Variants in KCNC2 observed in about 807,000 individuals in gnomAD.
KCNC2 encodes the protein voltage-gated potassium channel KCNC2.
In KCNC2, 21 loss-of-function variants were observed where a neutral mutation model predicts 44.5. The ratio of observed to expected loss-of-function variants is 0.47; its 90% CI spans 0.33 to 0.68. The LOEUF (loss-of-function observed/expected upper bound fraction) is 0.68, where lower values mean the gene tolerates loss of function less well. Ranked by LOEUF, KCNC2 falls within the 30% of genes least tolerant of loss-of-function variation. KCNC2 has a pLI of 0.01. For synonymous variants in KCNC2, 391 were observed against 339.1 expected, an observed-to-expected ratio of 1.15 and a Z score of -1.68; for missense variants, 589 against 826.2, an observed-to-expected ratio of 0.71 and a Z score of 3.52.
chr12:75,156,193 A>T, intron 2 of KCNC2, among the ~76,000 whole-genome samples: 1 of 151,818 alleles, frequency 6.6e-6, no homozygotes, highest in African/African-American at 2.4e-5. Context: ...AACACATAGG[A>T]CATAGAGCAG....
intron 2 of KCNC2, among the ~76,000 whole-genome samples, chr12:75,111,224 G>A (rs1428081061): frequency 6.6e-6 from 1 of 152,120 alleles, no homozygotes; most frequent in African/African-American, 2.4e-5. Flanking sequence ...ATGTTAGAGT[G>A]CATGTATTCT....
Position 75,041,116 on chromosome 12 carries a change from A to G in KCNC2, c.*1989T>C, listed in dbSNP as rs201492860. 7.5e-6 allele frequency: 12 copies of G among 1,596,632 alleles called. No homozygotes were observed. Among genetic ancestry groups the G allele is most frequent in the African/African-American group, 1.3e-5 (1 of 74,924 alleles). On this transcript the variant is annotated 3_prime_UTR_variant, in exon 5 of 5. Coordinates refer to ENST00000549446, the MANE Select transcript of KCNC2 (RefSeq NM_139137.4). The stretch of plus-strand genomic sequence containing the variant: ...GTCACATCAGGGCACATTCAGCAGC[A>G]GAAGTCTGTTTCCAGTATAGTCCTT...
At chr12:75,099,631 A>T (rs1299593026) in intron 2 of KCNC2, among the ~76,000 whole-genome samples, 2 of 152,188 alleles carry the variant, frequency 1.3e-5, no homozygotes. Context: ...TTTATTACAT[A>T]GCTATTGAAT....
chr12:75,066,612 A>G (rs904399405), intron 2 of KCNC2, among the ~76,000 whole-genome samples: 1 of 152,188 alleles, frequency 6.6e-6, no homozygotes, highest in Non-Finnish European at 1.5e-5. Context: ...GTTTTCTTTC[A>G]TCTTAAGTAA....
At chr12:75,112,333 T>C (rs372024430) in intron 2 of KCNC2, among the ~76,000 whole-genome samples, 3 of 151,992 alleles carry the variant, frequency 2.0e-5, no homozygotes, top group Admixed American at 1.3e-4. Context: ...TCCTCCTTGA[T>C]AGCACCACTG....
chr12:75,046,845 C>A (rs1339377817), intron 4 of KCNC2, among the ~76,000 whole-genome samples: 1 of 151,848 alleles, frequency 6.6e-6, no homozygotes, highest in Non-Finnish European at 1.5e-5. Flanking sequence ...GAACAAGAGT[C>A]TTTTGTCTTC....
intron 2 of KCNC2, among the ~76,000 whole-genome samples, chr12:75,192,934 AT>A (rs2030426749): frequency 6.6e-6 from 1 of 152,212 alleles, no homozygotes; most frequent in East Asian, 1.9e-4. Context: ...CAAAAAAAGT[AT>A]GTGAGGTGAG....
chr12:75,109,608 A>G (rs1437274973), intron 2 of KCNC2, among the ~76,000 whole-genome samples: 2 of 152,148 alleles, frequency 1.3e-5, no homozygotes, highest in Non-Finnish European at 1.5e-5. Context: ...GATCGTGATC[A>G]TAAGATTTTA....
chr12:75,050,778 T>C lies in KCNC2; in HGVS notation c.1227A>G (p.Gln409=). The part of the protein sequence containing the change: ...MIYYAERVGA[Q]PNDPSASEHT... ...GCTCACTAGCTGAAGGGTCGTTAGG[T>C]TGAGCTCCCACTCTCTCGGCATAGT... Residue 409 remains glutamine (Q), a synonymous_variant, in exon 3 of 5, where the codon CAA becomes CAG. Transcript: ENST00000549446. 6.2e-7 allele frequency: 1 copy of C among 1,613,460 alleles called. No homozygotes were observed. The highest frequency in any genetic ancestry group is 8.5e-7 in the Non-Finnish European group (1 of 1,179,848).
intron 2 of KCNC2, among the ~76,000 whole-genome samples, chr12:75,061,566 TACACACACACACACACACACACAC>T (rs59052402): frequency 5.6e-5 from 8 of 143,442 alleles, no homozygotes; most frequent in East Asian, 2.1e-4. Context: ...AAGTGACAAG[TACACACACACACACACACACACAC>T]ACACACACAC....
At chr12:75,148,242 T>A (rs1890156667) in intron 2 of KCNC2, among the ~76,000 whole-genome samples, 1 of 152,120 alleles carries the variant, frequency 6.6e-6, no homozygotes, top group South Asian at 2.1e-4. Context: ...CATTGTCACA[T>A]GGTCCTAATC....
chr12:75,170,042 A>G (rs1410533093), intron 2 of KCNC2, among the ~76,000 whole-genome samples: 1 of 151,726 alleles, frequency 6.6e-6, no homozygotes, highest in Non-Finnish European at 1.5e-5. Flanking sequence ...ATCTATGACT[A>G]AGTAAAAGAA....
At chr12:75,111,729 A>G (rs901232803) in intron 2 of KCNC2, among the ~76,000 whole-genome samples, 1 of 152,108 alleles carries the variant, frequency 6.6e-6, no homozygotes, top group East Asian at 1.9e-4. Context: ...ATATTAAGCT[A>G]TCTCCTCAAA....
At chr12:75,181,916 CTTTTTTTTTTTTTTTTTTTTTTTT>C (rs61089425) in intron 2 of KCNC2, among the ~76,000 whole-genome samples, 6 of 47,876 alleles carry the variant, frequency 1.3e-4, no homozygotes, top group Middle Eastern at 0.019. Flanking sequence ...TAATATCTTC[CTTTTTTTTTTTTTTTTTTTTTTTT>C]TTTTTTTTTT....
chr12:75,146,779 C>T (rs1890058463), intron 2 of KCNC2, among the ~76,000 whole-genome samples: 2 of 152,164 alleles, frequency 1.3e-5, no homozygotes, highest in Admixed American at 1.3e-4. Flanking sequence ...TCCATTTCCT[C>T]ACATCTTAGC....
intron 2 of KCNC2, among the ~76,000 whole-genome samples, chr12:75,145,957 T>A (rs1565890535): frequency 1.4e-5 from 2 of 139,414 alleles, no homozygotes; most frequent in African/African-American, 6.4e-5. Flanking sequence ...CTTACCAATT[T>A]TTTTTTTTTT....
At chr12:75,102,634 C>T (rs867115721) in intron 2 of KCNC2, among the ~76,000 whole-genome samples, 34 of 152,050 alleles carry the variant, frequency 2.2e-4, no homozygotes, top group African/African-American at 7.0e-4. Context: ...TGTAAACACA[C>T]ACATATTTCT....
chr12:75,069,890 A>G (rs1336767091), intron 2 of KCNC2, among the ~76,000 whole-genome samples: 2 of 152,154 alleles, frequency 1.3e-5, no homozygotes, highest in South Asian at 2.1e-4. Context: ...TCAACTTACT[A>G]TGTAGTAAAG....
At position 75,207,351 on chromosome 12, in the gene KCNC2, C is replaced by A; in HGVS notation, c.633G>T (p.Leu211=). Residue 211 remains leucine, a synonymous_variant, in exon 2 of 5, where the codon CTG becomes CTT. Coordinates refer to ENST00000549446, the MANE Select transcript of KCNC2 (RefSeq NM_139137.4). This position sits in a 1 kb window ranked among gnomAD's most constrained non-coding sequence, Gnocchi z 4.1. Reference sequence around the variant, plus strand: ...CGAAGAGGGCCCACATGCGGGGCTGCAGCCTCCTCCAGCGGCCAGATTTGC... The same window carrying A: ...CGAAGAGGGCCCACATGCGGGGCTGAAGCCTCCTCCAGCGGCCAGATTTGC... ...PDGKSGRWRR[L]QPRMWALFED... is the part of the protein sequence containing the mutation. 1 of 1,575,218 alleles carries A rather than the reference C, an allele frequency of 6.3e-7. No homozygotes were observed. Among genetic ancestry groups the A allele is most frequent in the South Asian group, 1.2e-5 (1 of 86,202 alleles).
Sources: allele counts gnomAD v4.1 joint callset (sites outside exome capture counted in the v4.1 genomes callset), GRCh38; gene constraint gnomAD v4.1.1; non-coding constraint Gnocchi (gnomAD v3.1); transcripts MANE v1.5; gene names NCBI Gene and HGNC (gene_info 2026-07-23, HGNC 2026-07-21).